CDKAL1: variants seen among roughly 807,000 people sequenced by gnomAD.
CDKAL1 encodes the protein CDKAL1 threonylcarbamoyladenosine tRNA methylthiotransferase.
In CDKAL1, 32 loss-of-function variants were observed where a neutral mutation model predicts 68.2. That is an observed-to-expected ratio of 0.47 (90% confidence interval 0.35 to 0.63). The LOEUF (loss-of-function observed/expected upper bound fraction) is 0.63. Ranked by LOEUF, CDKAL1 falls within the 30% of genes least tolerant of loss-of-function variation. The pLI, the probability that CDKAL1 is intolerant of heterozygous loss-of-function variation, is 0.00. For synonymous variants in CDKAL1, 234 were observed against 244.3 expected (o/e 0.96, Z 0.39); for missense variants, 606 against 696.7 (o/e 0.87, Z 1.47).
chr6:20,839,147 T>C (rs542886443), intron 8 of CDKAL1, among the ~76,000 whole-genome samples: 2 of 152,170 alleles, frequency 1.3e-5, no homozygotes, highest in East Asian at 3.9e-4. Context: ...TAAAGATCAA[T>C]ATAGAAATGT....
chr6:21,022,638 C>CG (rs1768729478), intron 11 of CDKAL1, among the ~76,000 whole-genome samples: 1 of 152,290 alleles, frequency 6.6e-6, no homozygotes, highest in South Asian at 2.1e-4. Flanking sequence ...CTTCTGGTCA[C>CG]GGTCTCCCTC....
intron 10 of CDKAL1, among the ~76,000 whole-genome samples, chr6:20,980,284 C>G (rs1163029244): frequency 6.6e-6 from 1 of 152,124 alleles, no homozygotes; most frequent in Non-Finnish European, 1.5e-5. Flanking sequence ...GTCGCCCAGG[C>G]TGGAGTGCAG....
chr6:20,568,648 T>C (rs1210391475), intron 4 of CDKAL1, among the ~76,000 whole-genome samples: 3 of 146,442 alleles, frequency 2.0e-5, no homozygotes, highest in African/African-American at 7.6e-5. Context: ...GGCAGGAGAA[T>C]GGCGTGAACC....
At chr6:21,030,709 T>C (rs1769235947) in intron 11 of CDKAL1, among the ~76,000 whole-genome samples, 1 of 152,224 alleles carries the variant, frequency 6.6e-6, no homozygotes, top group African/African-American at 2.4e-5. Context: ...TATGTCATGA[T>C]GAATTTTATT....
chr6:21,041,977 G>A (rs1038280120), intron 11 of CDKAL1, among the ~76,000 whole-genome samples: 4 of 151,986 alleles, frequency 2.6e-5, no homozygotes, highest in Non-Finnish European at 2.9e-5. Flanking sequence ...CATATTCTAA[G>A]GGTAGAGGAT....
intron 4 of CDKAL1, chr6:20,558,526 A>G (rs1764148686): frequency 2.2e-6 from 1 of 456,632 alleles, no homozygotes; most frequent in Non-Finnish European, 4.4e-6. Flanking sequence ...CTTTTTGACC[A>G]GACCTTGTGT....
chr6:20,642,487 A>AAAC (rs1554167882), intron 4 of CDKAL1, among the ~76,000 whole-genome samples: 10 of 151,212 alleles, frequency 6.6e-5, no homozygotes, highest in Non-Finnish European at 1.5e-4. Flanking sequence ...GAAAAAAAAA[A>AAAC]AAAAAACACT....
intron 8 of CDKAL1, among the ~76,000 whole-genome samples, chr6:20,792,933 G>A (rs1037932414): frequency 1.3e-5 from 2 of 152,188 alleles, no homozygotes; most frequent in Admixed American, 6.5e-5. Context: ...ACTTAGAGTT[G>A]TGTACCTAGA....
At chr6:21,003,373 C>T (rs55814009) in intron 11 of CDKAL1, among the ~76,000 whole-genome samples, 1,828 of 25,814 alleles carry the variant, frequency 0.071, 32 homozygotes, top group Middle Eastern at 0.16. Context: ...TATATATATA[C>T]ACACACACAC....
chr6:20,950,076 G>A (rs1038775433), intron 9 of CDKAL1, among the ~76,000 whole-genome samples: 2 of 151,718 alleles, frequency 1.3e-5, no homozygotes, highest in African/African-American at 2.4e-5. Context: ...AGGCACGAGC[G>A]CCCGGCCTCA....
intron 8 of CDKAL1, among the ~76,000 whole-genome samples, chr6:20,829,831 A>C (rs1777641164): frequency 6.6e-6 from 1 of 152,226 alleles, no homozygotes; most frequent in Admixed American, 6.5e-5. Context: ...TACTGAATTC[A>C]TTTATGCAAA....
At chr6:20,673,593 T>C (rs540964187) in intron 5 of CDKAL1, among the ~76,000 whole-genome samples, 1 of 152,322 alleles carries the variant, frequency 6.6e-6, no homozygotes, top group African/African-American at 2.4e-5. Flanking sequence ...AATCTGATCT[T>C]GTAACTCCCA....
chr6:21,106,517 A>G (rs1212883435), intron 12 of CDKAL1, among the ~76,000 whole-genome samples: 7 of 152,238 alleles, frequency 4.6e-5, no homozygotes, highest in African/African-American at 1.4e-4. Context: ...CCAAGGCTGC[A>G]GTGAGCGATG....
intron 10 of CDKAL1, among the ~76,000 whole-genome samples, chr6:20,984,818 G>GT (rs879834990): frequency 4.9e-4 from 73 of 148,990 alleles, no homozygotes; most frequent in Middle Eastern, 3.5e-3. Context: ...TAACGGGGGG[G>GT]GGTGGGGAAG....
chr6:21,139,657 C>G (rs556968461), intron 13 of CDKAL1, among the ~76,000 whole-genome samples: 9 of 151,954 alleles, frequency 5.9e-5, no homozygotes, highest in African/African-American at 2.2e-4. Context: ...ACTACAGGCA[C>G]GCACCACCGT....
chr6:21,022,859 A>ATAT (rs1768748511), intron 11 of CDKAL1, among the ~76,000 whole-genome samples: 1 of 152,134 alleles, frequency 6.6e-6, no homozygotes, highest in African/African-American at 2.4e-5. Context: ...GTTACTATTC[A>ATAT]CTGTACCGTA....
intron 9 of CDKAL1, among the ~76,000 whole-genome samples, chr6:20,867,989 A>G (rs1436005090): frequency 2.6e-5 from 4 of 152,182 alleles, no homozygotes; most frequent in African/African-American, 9.7e-5. Context: ...ATGAATAGGT[A>G]TTAAGGGAAT....
chr6:21,129,281 T>C (rs1775170985), intron 13 of CDKAL1, among the ~76,000 whole-genome samples: 1 of 152,152 alleles, frequency 6.6e-6, no homozygotes, highest in South Asian at 2.1e-4. Flanking sequence ...GATTGAATAC[T>C]GAAAAATATG....
At chr6:21,155,074 G>A (rs992038598) in intron 13 of CDKAL1, among the ~76,000 whole-genome samples, 8 of 150,126 alleles carry the variant, frequency 5.3e-5, no homozygotes, top group South Asian at 4.2e-4. Context: ...TATTTAAAAC[G>A]TTTACTGCTG....
Sources: gnomAD v4.1 joint callset for allele counts (sites outside exome capture counted in the v4.1 genomes callset) on GRCh38, gnomAD v4.1.1 for gene constraint, MANE v1.5 for transcripts, NCBI Gene and HGNC (gene_info 2026-07-23, HGNC 2026-07-21) for gene names.